Variants in PRPF6 observed in about 807,000 individuals in gnomAD.
PRPF6 encodes pre-mRNA-processing factor 6.
In PRPF6, 42 loss-of-function variants were observed where a neutral mutation model predicts 118.3. The observed-to-expected ratio is 0.35, with a 90% CI of 0.28 to 0.46. The LOEUF (loss-of-function observed/expected upper bound fraction) is 0.46, where lower values mean the gene tolerates loss of function less well. Among genes scored for constraint, PRPF6 ranks in the 20% least tolerant of loss-of-function variants. The pLI is 1.00. For synonymous variants in PRPF6, 481 were observed against 485.1 expected, an observed-to-expected ratio of 0.99 and a Z score of 0.11; for missense variants, 662 against 1,255.7, an observed-to-expected ratio of 0.53 and a Z score of 7.15.
In PRPF6 at chr20:63,983,023, CGGTGTCTTGGG is replaced by C. The variant is rs1569209727; in HGVS notation, c.72-20_72-10del. 5.0e-6 allele frequency: 8 copies of C among 1,612,456 alleles called. No homozygotes were observed. The highest frequency in any genetic ancestry group is 6.8e-6 in the Non-Finnish European group (8 of 1,179,360). On this transcript the variant is annotated splice_polypyrimidine_tract_variant and intron_variant, in intron 1 of 20. Coordinates refer to ENST00000266079, the MANE Select transcript of PRPF6 (RefSeq NM_012469.4). Reference sequence around the variant, plus strand: ...ACAGGAACAGAGTTATTCAGACACCCGGTGTCTTGGGGGTCTCCTGCAGCGCCACTGGCTTC... The same window carrying C: ...ACAGGAACAGAGTTATTCAGACACCCGGTCTCCTGCAGCGCCACTGGCTTC...
At chr20:64,002,027 T>TTC (rs1416060462) in intron 9 of PRPF6, among the ~76,000 whole-genome samples, 1 of 131,006 alleles carries the variant, frequency 7.6e-6, no homozygotes, top group African/African-American at 2.8e-5. Flanking sequence ...TTTTTTTTTT[T>TTC]TTTTTTTTTG....
intron 2 of PRPF6, among the ~76,000 whole-genome samples, chr20:63,984,423 A>G (rs78527498): frequency 7.1e-6 from 1 of 140,302 alleles, no homozygotes; most frequent in Admixed American, 7.0e-5. Context: ...TCTGTCTCAG[A>G]AAAAAAAAAA....
intron 6 of PRPF6, 84 bp downstream of exon 6, chr20:63,995,566 T>TCTCCTTTTTCTTCTCCTCCTTCTCCTC (rs1160803880): frequency 4.1e-5 from 62 of 1,505,626 alleles, no homozygotes; most frequent in African/African-American, 5.5e-5. Flanking sequence ...TTCTTCTTCT[T>TCTCCTTTTTCTTCTCCTCCTTCTCCTC]CTCCTTTTTC....
intron 11 of PRPF6, among the ~76,000 whole-genome samples, chr20:64,015,790 T>TA (rs1401960066): frequency 6.6e-6 from 1 of 152,190 alleles, no homozygotes. Flanking sequence ...GCTCATCTGA[T>TA]ACGTGCACAA....
chr20:64,011,213 G>A lies in PRPF6; in HGVS notation c.1306-72G>A. ...ACGTGGTGGCCAACGCTGGAGGGTG[G>A]GTCGCTGTCTGGCCTGCAGCTGTCC... On this transcript the variant is annotated intron_variant, in intron 10 of 20. Coordinates refer to ENST00000266079, the MANE Select transcript of PRPF6 (RefSeq NM_012469.4). This position sits in a 1 kb window ranked among gnomAD's most constrained non-coding sequence, Gnocchi z 6.7. 7.0e-7 allele frequency: 1 copy of A among 1,422,206 alleles called. No individual in the cohort carries two copies. The highest frequency in any genetic ancestry group is 9.8e-7 in the Non-Finnish European group (1 of 1,016,092). 88.1% of individuals were successfully genotyped at this position (1,422,206 alleles called of 1,614,324 possible).
chr20:64,005,524 G>A (rs1426879277), intron 9 of PRPF6, among the ~76,000 whole-genome samples: 1 of 152,074 alleles, frequency 6.6e-6, no homozygotes, highest in Admixed American at 6.6e-5. Flanking sequence ...CTTTACTGCT[G>A]TGCCCTCTGC....
intron 3 of PRPF6, among the ~76,000 whole-genome samples, chr20:63,985,961 G>A (rs551525172): frequency 3.9e-5 from 6 of 152,276 alleles, no homozygotes; most frequent in African/African-American, 1.4e-4. Context: ...AAAAGAAAAT[G>A]TTAGGTCAGT....
chr20:63,982,608 T>G (rs561232863), intron 1 of PRPF6, among the ~76,000 whole-genome samples: 3 of 152,188 alleles, frequency 2.0e-5, no homozygotes, highest in Non-Finnish European at 4.4e-5. Context: ...AGGAGGGATT[T>G]TGAAAGTGGA....
intron 13 of PRPF6, among the ~76,000 whole-genome samples, chr20:64,023,912 G>C (rs1409199292): frequency 6.6e-6 from 1 of 152,204 alleles, no homozygotes; most frequent in Non-Finnish European, 1.5e-5. Context: ...CAGTAGTGCT[G>C]GGGGAGCTGG....
At position 64,022,885 on chromosome 20, in the gene PRPF6, G is replaced by A. The variant is rs747252834; in HGVS notation, c.1769+7G>A. 6.2e-7 allele frequency: 1 copy of A among 1,613,974 alleles called. No homozygotes were observed. The highest frequency in any genetic ancestry group is 1.1e-5 in the South Asian group (1 of 91,076). Reference sequence around the variant, plus strand: ...AGAAGAACCATGGCACTCGGTATGTGGTGGGACCCGCCTGCCCAAGGGTGC... The same window carrying A: ...AGAAGAACCATGGCACTCGGTATGTAGTGGGACCCGCCTGCCCAAGGGTGC... On this transcript the variant is annotated splice_region_variant and intron_variant, in intron 13 of 20. Transcript: ENST00000266079.
intron 3 of PRPF6, among the ~76,000 whole-genome samples, chr20:63,987,911 G>A (rs1403571010): frequency 6.6e-6 from 1 of 152,018 alleles, no homozygotes; most frequent in Non-Finnish European, 1.5e-5. Flanking sequence ...GGCCGGGCAC[G>A]GTGGCTCACG....
At position 64,028,777 on chromosome 20, in the gene PRPF6, C is replaced by T. The variant is rs984209111; in HGVS notation, c.2431+208C>T. Among the ~76,000 whole-genome samples, 1 of 152,156 alleles carries T rather than the reference C, an allele frequency of 6.6e-6. No individual in the cohort carries two copies. The highest frequency in any genetic ancestry group is 2.4e-5 in the African/African-American group (1 of 41,424). On this transcript the variant is annotated intron_variant, in intron 18 of 20. Coordinates refer to ENST00000266079, the MANE Select transcript of PRPF6 (RefSeq NM_012469.4). This position sits in a 1 kb window ranked among gnomAD's most constrained non-coding sequence, Gnocchi z 6.5. ...GTCAAAAGTTTCAGCTATACTCGGC[C>T]GTTAAGACAACTTAATGAAATTCTT...
chr20:64,027,123 A>T lies in PRPF6; in HGVS notation c.2170A>T (p.Met724Leu). 1 of 1,613,928 alleles carries T rather than the reference A, an allele frequency of 6.2e-7. No individual in the cohort carries two copies. The highest frequency in any genetic ancestry group is 8.5e-7 in the Non-Finnish European group (1 of 1,180,016). ...MKGQIEEQKE[M>L]MEKAREAYNQ... ...GGGGCAGATCGAGGAGCAGAAGGAG[A>T]TGATGGAGAAGGCGCGGGAAGCCTA... The change falls in exon 16 of 21, where the codon ATG (methionine) becomes TTG (leucine). Residue 724 changes from methionine (M) to leucine (L), a missense_variant. Transcript: ENST00000266079. This position sits in a 1 kb window ranked among gnomAD's most constrained non-coding sequence, Gnocchi z 6.5.
chr20:64,013,029 A>G (rs1195438478), intron 11 of PRPF6, among the ~76,000 whole-genome samples: 1 of 147,118 alleles, frequency 6.8e-6, no homozygotes, highest in African/African-American at 2.5e-5. Flanking sequence ...CAGTGGCACG[A>G]TCTTGGCTTA....
Position 64,027,763 on chromosome 20 carries a change from C to T in PRPF6, c.2339+27C>T. 1.2e-6 allele frequency: 2 copies of T among 1,613,180 alleles called. No individual in the cohort carries two copies. The highest frequency in any genetic ancestry group is 1.7e-6 in the Non-Finnish European group (2 of 1,179,958). ...TGAGTCCTGGAGGGGGCAGCCTGGC[C>T]TCTGGGCACAGCTTCCCCATCAGGT... is the stretch of plus-strand genomic sequence containing the variant. On this transcript the variant is annotated intron_variant, in intron 17 of 20. Transcript: ENST00000266079. The surrounding 1 kb of genome is among the most constrained non-coding windows in gnomAD (Gnocchi z 6.5).
At chr20:64,017,315 G>A (rs1252460103) in intron 12 of PRPF6, among the ~76,000 whole-genome samples, 1 of 148,732 alleles carries the variant, frequency 6.7e-6, no homozygotes, top group Non-Finnish European at 1.5e-5. Context: ...ACAGGCGTGA[G>A]CCACCGCGCC....
At chr20:64,015,723 A>G (rs543203102) in intron 11 of PRPF6, among the ~76,000 whole-genome samples, 95 of 152,346 alleles carry the variant, frequency 6.2e-4, no homozygotes, top group African/African-American at 2.2e-3. Context: ...GCTTCTTTGC[A>G]GTATAAGATT....
intron 2 of PRPF6, 48 bp from the exon 3 acceptor site, chr20:63,984,859 T>G: frequency 7.7e-7 from 1 of 1,299,570 alleles, no homozygotes; most frequent in Non-Finnish European, 1.1e-6. Flanking sequence ...CTGGTGGGGA[T>G]GGTGTTGAAG....
intron 11 of PRPF6, among the ~76,000 whole-genome samples, chr20:64,014,126 G>T (rs950913415): frequency 6.6e-6 from 1 of 151,906 alleles, no homozygotes; most frequent in Admixed American, 6.6e-5. Context: ...TTTTTGTAGA[G>T]ACGCGGTTTT....
Sources: allele counts gnomAD v4.1 joint callset (sites outside exome capture counted in the v4.1 genomes callset), GRCh38; gene constraint gnomAD v4.1.1; non-coding constraint Gnocchi (gnomAD v3.1); transcripts MANE v1.5; gene names NCBI Gene and HGNC (gene_info 2026-07-23, HGNC 2026-07-21).